The following OCA2 variants were observed in gnomAD, a reference collection of about 807,000 sequenced individuals.
OCA2 encodes the protein P protein.
OCA2 carries 77 observed loss-of-function variants against 100.2 expected under a neutral mutation model. That is an observed-to-expected ratio of 0.77 (90% confidence interval 0.64 to 0.93). The LOEUF (loss-of-function observed/expected upper bound fraction) is 0.93, where lower values mean the gene tolerates loss of function less well. OCA2 is among the 40% of genes least tolerant of loss of function. The probability of loss-of-function intolerance (pLI) is 0.00; values close to 1 mark genes in which losing one functional copy is unlikely to be tolerated. For synonymous variants in OCA2, 432 were observed against 439.2 expected, an observed-to-expected ratio of 0.98 and a Z score of 0.21; for missense variants, 1,062 against 1,089.1, an observed-to-expected ratio of 0.98 and a Z score of 0.35.
At chr15:27,747,860 T>TC in the OCA2 span, among the ~76,000 whole-genome samples, 1 of 152,188 alleles carries the variant, frequency 6.6e-6, no homozygotes, top group Non-Finnish European at 1.5e-5. Context: ...TGCCTGTTGC[T>TC]CCCCACTCAG....
At chr15:28,011,342 C>A (rs944922180) in intron 9 of OCA2, among the ~76,000 whole-genome samples, 1 of 152,120 alleles carries the variant, frequency 6.6e-6, no homozygotes, top group African/African-American at 2.4e-5. Flanking sequence ...GTATTGCATG[C>A]CTGTAGTCCC....
chr15:27,856,574 T>C (rs1213813841), intron 21 of OCA2, among the ~76,000 whole-genome samples: 3 of 152,126 alleles, frequency 2.0e-5, no homozygotes, highest in Non-Finnish European at 4.4e-5. Context: ...TGCTGGCCAC[T>C]GTTTTGATCA....
chr15:27,856,328 CAG>C (rs1355505579), intron 21 of OCA2, among the ~76,000 whole-genome samples: 1 of 152,150 alleles, frequency 6.6e-6, no homozygotes, highest in Non-Finnish European at 1.5e-5. Context: ...TCAATTCAAA[CAG>C]TAACTATTTT....
At chr15:27,922,576 T>C (rs2038895758) in intron 19 of OCA2, among the ~76,000 whole-genome samples, 1 of 152,222 alleles carries the variant, frequency 6.6e-6, no homozygotes, top group African/African-American at 2.4e-5. Flanking sequence ...CATTTTAACT[T>C]TTTATAATAG....
At chr15:27,732,285 A>G in the OCA2 span, among the ~76,000 whole-genome samples, 1 of 152,182 alleles carries the variant, frequency 6.6e-6, no homozygotes. Context: ...AAGGACCAAA[A>G]ACACACTAAT....
At chr15:28,083,416 A>C (rs1239317117) in intron 1 of OCA2, among the ~76,000 whole-genome samples, 1 of 152,182 alleles carries the variant, frequency 6.6e-6, no homozygotes, top group Admixed American at 6.5e-5. Context: ...GAGAGTGATC[A>C]CTCACAAACC....
intron 22 of OCA2, among the ~76,000 whole-genome samples, chr15:27,847,611 G>A (rs2035586265): frequency 6.6e-6 from 1 of 152,200 alleles, no homozygotes; most frequent in Non-Finnish European, 1.5e-5. Flanking sequence ...AGAGAGGCCT[G>A]GAGGTTATGG....
chr15:27,727,861 C>T, the OCA2 span, among the ~76,000 whole-genome samples: 96 of 152,274 alleles, frequency 6.3e-4, 1 homozygote, highest in African/African-American at 2.1e-3. Flanking sequence ...GAGTGTCCTC[C>T]CCAATTCAAT....
rs374748549 is a variant in OCA2, at chr15:28,028,078, G to A, written c.327-19C>T. ...CCGTGACCTGGAAAGCAAGAGAGGT[G>A]TGGTTATCTCTCCTGAAATAGTAAT... On this transcript the variant is annotated intron_variant, in intron 3 of 23. Coordinates refer to ENST00000354638, the MANE Select transcript of OCA2 (RefSeq NM_000275.3). 5 of 1,613,446 alleles carry A rather than the reference G, an allele frequency of 3.1e-6. No individual in the cohort carries two copies. In the African/African-American group the frequency reaches 6.7e-5, roughly 22 times the overall value.
rs140418758 is a variant in OCA2, at chr15:27,922,063, G to A, written c.2079+4064C>T. ...TTTACAGTACTGTACTGTGTTTATC[G>A]ATACCATAAGTTTACATCGTCTGTT... On this transcript the variant is annotated intron_variant, in intron 19 of 23. Transcript: ENST00000354638. Among the ~76,000 whole-genome samples, 770 of 152,278 alleles carry A rather than the reference G, an allele frequency of 5.1e-3. 10 individuals carry two copies. The highest frequency in any genetic ancestry group is 0.017 in the African/African-American group (711 of 41,558).
Position 27,870,454 on chromosome 15 carries a change from G to A in OCA2, c.2244+700C>T, listed in dbSNP as rs1272025283. Among the ~76,000 whole-genome samples, 9 of 152,234 alleles carry A rather than the reference G, an allele frequency of 5.9e-5. 1 individual carries two copies. Among genetic ancestry groups the A allele is most frequent in the Admixed American group, 3.9e-4 (6 of 15,296 alleles). ...TGCCCTGAGCCAAGCAATCAGTGAC[G>A]GCAGAAGTCACGCCAGGAACAGGCT... On this transcript the variant is annotated intron_variant, in intron 21 of 23. Transcript: ENST00000354638.
intron 23 of OCA2, among the ~76,000 whole-genome samples, chr15:27,837,543 G>A (rs1028331209): frequency 5.9e-5 from 9 of 152,106 alleles, no homozygotes; most frequent in African/African-American, 1.9e-4. Context: ...AGGAGCCAGA[G>A]AAATCCAGAT....
At chr15:27,888,408 A>G (rs1043847671) in intron 19 of OCA2, among the ~76,000 whole-genome samples, 20 of 152,220 alleles carry the variant, frequency 1.3e-4, no homozygotes, top group African/African-American at 3.4e-4. Flanking sequence ...GTCACCTGTC[A>G]TATCAGAAAC....
chr15:28,041,515 T>G (rs1049781789), intron 2 of OCA2, among the ~76,000 whole-genome samples: 1 of 152,158 alleles, frequency 6.6e-6, no homozygotes, highest in African/African-American at 2.4e-5. Context: ...GTATTGGAAG[T>G]TCTAGCCAGA....
At chr15:27,765,821 G>A (rs572474840) in intron 23 of OCA2, among the ~76,000 whole-genome samples, 9 of 152,222 alleles carry the variant, frequency 5.9e-5, no homozygotes, top group Admixed American at 3.9e-4. Flanking sequence ...TGAGCAGTGC[G>A]AACAATCAGA....
At chr15:28,045,638 C>T (rs2043325595) in intron 2 of OCA2, among the ~76,000 whole-genome samples, 1 of 152,210 alleles carries the variant, frequency 6.6e-6, no homozygotes, top group Non-Finnish European at 1.5e-5. Context: ...CCACATTTAA[C>T]TCAACATATC....
chr15:27,999,665 G>A (rs533035382), intron 9 of OCA2, among the ~76,000 whole-genome samples: 1 of 152,236 alleles, frequency 6.6e-6, no homozygotes, highest in African/African-American at 2.4e-5. Context: ...AAATTGGAAA[G>A]GATGAAGTTA....
chr15:28,080,505 C>T (rs916559498), intron 2 of OCA2, among the ~76,000 whole-genome samples: 3 of 152,250 alleles, frequency 2.0e-5, no homozygotes, highest in African/African-American at 7.2e-5. Flanking sequence ...AAGAGAGCAA[C>T]TCAAAGTTTC....
chr15:28,058,584 C>T (rs1208247250), intron 2 of OCA2, among the ~76,000 whole-genome samples: 1 of 152,156 alleles, frequency 6.6e-6, no homozygotes, highest in East Asian at 1.9e-4. Flanking sequence ...GGTGGCAAAC[C>T]CAGACACATC....
Sources: gnomAD v4.1 joint callset for allele counts (sites outside exome capture counted in the v4.1 genomes callset) on GRCh38, gnomAD v4.1.1 for gene constraint, MANE v1.5 for transcripts, NCBI Gene and HGNC (gene_info 2026-07-23, HGNC 2026-07-21) for gene names.